VPS13D: variants seen among roughly 807,000 people sequenced by gnomAD.
The protein encoded by VPS13D is intermembrane lipid transfer protein VPS13D.
VPS13D carries 187 observed loss-of-function variants against 461.9 expected under a neutral mutation model. That is an observed-to-expected ratio of 0.40 (90% CI 0.36 to 0.46). The LOEUF (loss-of-function observed/expected upper bound fraction) is 0.46, where lower values mean the gene tolerates loss of function less well. Among genes scored for constraint, VPS13D ranks in the 20% least tolerant of loss-of-function variants. The pLI is 0.60. For missense variants in VPS13D, 4,711 were observed against 5,364.9 expected (o/e 0.88, Z 3.81); for synonymous variants, 1,951 against 1,986.3 (o/e 0.98, Z 0.47).
chr1:12,341,825 C>T lies in VPS13D; in HGVS notation c.8672C>T (p.Ala2891Val), dbSNP rs765658599. The change falls in exon 41 of 70, where the codon GCT becomes GTT. Residue 2891 changes from alanine (A) to valine (V), a missense_variant. Around this residue, in one of 3 missense-constraint regions of VPS13D, gnomAD observed 4,411 missense variants for 4,937.8 expected, o/e 0.89. Transcript: ENST00000620676. ...CGCCGGCAGCCATTTGTCCCCTTTG[C>T]TCTGAGGAACCACACGGGGTGCACT... ...PKRRQPFVPF[A>V]LRNHTGCTLW... is the part of the protein sequence containing the mutation. The T allele has an allele frequency of 6.2e-7, 1 of 1,614,038 alleles. No homozygotes were observed. The highest frequency in any genetic ancestry group is 1.1e-5 in the South Asian group (1 of 91,072).
intron 36 of VPS13D, 82 bp from the exon 37 acceptor site, chr1:12,329,747 A>T: frequency 1.0e-6 from 1 of 965,132 alleles, no homozygotes; most frequent in Non-Finnish European, 1.6e-6. Flanking sequence ...TATTAGCTCT[A>T]ATGTTTCTTT....
In VPS13D at chr1:12,379,500, G is replaced by C; in HGVS notation, c.11094G>C (p.Leu3698=). The change falls in exon 57 of 70, where the codon CTG becomes CTC. Residue 3698 remains leucine, a synonymous_variant. Transcript: ENST00000620676. ...AAVTDNRYEP[L]MLRKPDRRRS... ...TTCCGTTTTCCAGATACGAGCCACT[G>C]ATGCTGAGAAAGCCTGACCGCAGGC... 6.2e-7 allele frequency: 1 copy of C among 1,612,898 alleles called. No individual in the cohort carries two copies. The highest frequency in any genetic ancestry group is 8.5e-7 in the Non-Finnish European group (1 of 1,179,468).
At chr1:12,291,490 G>A (rs1642130658) in intron 23 of VPS13D, among the ~76,000 whole-genome samples, 1 of 152,154 alleles carries the variant, frequency 6.6e-6, no homozygotes, top group Non-Finnish European at 1.5e-5. Context: ...GTGTGTGGTG[G>A]TATGCAACTG....
Position 12,318,597 on chromosome 1 carries a change from G to A in VPS13D, c.7414+260G>A, listed in dbSNP as rs916313040. Among the ~76,000 whole-genome samples the A allele has an allele frequency of 6.6e-5, 10 of 152,148 alleles. No homozygotes were observed. The South Asian group carries it at 8.3e-4, about 13-fold the overall frequency. On this transcript the variant is annotated intron_variant, in intron 31 of 69. Coordinates refer to ENST00000620676, the MANE Select transcript of VPS13D (RefSeq NM_015378.4). ...GTGTCTGGCCCGAGCACCCGCCTGG[G>A]CAGTGGTCTTTTTTTTTCCAGTGTA...
At chr1:12,377,312 G>C (rs1644213076) in intron 55 of VPS13D, among the ~76,000 whole-genome samples, 1 of 150,376 alleles carries the variant, frequency 6.6e-6, no homozygotes, top group Non-Finnish European at 1.5e-5. Context: ...CACCTGCCTC[G>C]GCCTCCCAAA....
intron 3 of VPS13D, among the ~76,000 whole-genome samples, chr1:12,243,707 GA>G (rs1356010328): frequency 3.3e-5 from 5 of 152,138 alleles, no homozygotes; most frequent in Admixed American, 6.6e-5. Context: ...CAATTCTACC[GA>G]GCCGTTTGGC....
Position 12,249,342 on chromosome 1 carries a change from G to A in VPS13D, c.564+3G>A. The A allele has an allele frequency of 6.2e-7, 1 of 1,607,580 alleles. No individual in the cohort carries two copies. The highest frequency in any genetic ancestry group is 8.5e-7 in the Non-Finnish European group (1 of 1,176,408). ...TGCAAAATGCTGTGAATGAGCCTGT[G>A]AGTATGAAATGTGATGACAAAGCAG... On this transcript the variant is annotated splice_donor_region_variant and intron_variant, in intron 6 of 69. Transcript: ENST00000620676.
At chr1:12,417,679 G>A (rs1215109768) in intron 65 of VPS13D, among the ~76,000 whole-genome samples, 2 of 152,158 alleles carry the variant, frequency 1.3e-5, no homozygotes. Context: ...GTGGCACCGC[G>A]TAGAAATGTA....
Position 12,308,510 on chromosome 1 carries a change from A to T in VPS13D, c.6519A>T (p.Arg2173Ser), listed in dbSNP as rs1642634675. The T allele has an allele frequency of 3.1e-6, 5 of 1,614,032 alleles. No individual in the cohort carries two copies. The South Asian group carries it at 5.5e-5, about 18-fold the overall frequency. ...TCTTTGCTGCAGAGAGACATCCGAG[A>T]GAATACTCGAAGGCACCAGAGGATA... ...MDIFAAERHP[R>S]EYSKAPEDSS... The change falls in exon 27 of 70, where the codon AGA becomes AGT. Residue 2173 changes from arginine (R) to serine (S), a missense_variant. Physicochemically the swap from Arg to Ser is moderately radical, Grantham distance 110 (BLOSUM62 -1). Coordinates refer to ENST00000620676, the MANE Select transcript of VPS13D (RefSeq NM_015378.4).
In VPS13D at chr1:12,460,290, G is replaced by A; in HGVS notation, c.12556G>A (p.Gly4186Arg). ...GGVSGFISGL[G>R]KGLVGTVTKP... The stretch of plus-strand genomic sequence containing the variant: ...TGTCAGCGGTTTCATATCTGGCCTT[G>A]GAAAAGGGCTTGTTGGCACTGTAAC... Residue 4186 changes from glycine (G) to arginine (R), a missense_variant, in exon 67 of 70, where the codon GGA (glycine) becomes AGA (arginine). By Grantham distance (125) the Gly-to-Arg change is moderately radical. Coordinates refer to ENST00000620676, the MANE Select transcript of VPS13D (RefSeq NM_015378.4). The A allele has an allele frequency of 1.2e-6, 2 of 1,612,250 alleles. No individual in the cohort carries two copies. The highest frequency in any genetic ancestry group is 1.7e-6 in the Non-Finnish European group (2 of 1,179,182).
At chr1:12,339,423 A>G (rs910038678) in intron 40 of VPS13D, among the ~76,000 whole-genome samples, 1 of 152,174 alleles carries the variant, frequency 6.6e-6, no homozygotes, top group African/African-American at 2.4e-5. Context: ...ACTGTTTATA[A>G]TGGCAAAATT....
At chr1:12,247,540 A>G (rs2101222894) in intron 5 of VPS13D, among the ~76,000 whole-genome samples, 1 of 152,092 alleles carries the variant, frequency 6.6e-6, no homozygotes, top group East Asian at 1.9e-4. Flanking sequence ...AAAAGCAAAC[A>G]TTTATTATTC....
At chr1:12,320,829 C>T (rs764590299) in intron 32 of VPS13D, among the ~76,000 whole-genome samples, 2 of 152,212 alleles carry the variant, frequency 1.3e-5, no homozygotes, top group East Asian at 1.9e-4. Flanking sequence ...TATTTGAGAT[C>T]GCTGGAAACT....
chr1:12,417,974 T>A (rs1446741528), intron 65 of VPS13D, among the ~76,000 whole-genome samples: 1 of 152,170 alleles, frequency 6.6e-6, no homozygotes, highest in Non-Finnish European at 1.5e-5. Context: ...TGGTGTGATC[T>A]CTGCTCACTA....
intron 67 of VPS13D, among the ~76,000 whole-genome samples, chr1:12,461,932 A>G (rs1364592470): frequency 3.3e-5 from 5 of 152,218 alleles, no homozygotes; most frequent in African/African-American, 1.2e-4. Context: ...CAGTCACTGC[A>G]GAAAGAATGT....
rs752244671 is a variant in VPS13D at position 12,276,886 on chromosome 1, C to G, written c.3298C>G (p.Leu1100Val). ...CCCATCGATGAATTTAGACAGTACTCTTCAGGTGATTTCCCTACAGGTGAA... is the reference window on the plus strand; with the variant it reads ...CCCATCGATGAATTTAGACAGTACTGTTCAGGTGATTTCCCTACAGGTGAA... ...ECPSMNLDST[L>V]QVISLQVNNL... The change falls in exon 19 of 70, where the codon CTT (leucine) becomes GTT (valine). Residue 1100 changes from leucine to valine, a missense_variant. Around this residue, in one of 3 missense-constraint regions of VPS13D, gnomAD observed 4,411 missense variants for 4,937.8 expected, o/e 0.89. Transcript: ENST00000620676. The surrounding 1 kb of genome is among the most constrained non-coding windows in gnomAD (Gnocchi z 4.5). 8 of 1,614,178 alleles carry G rather than the reference C, an allele frequency of 5.0e-6. No individual in the cohort carries two copies. Among genetic ancestry groups the G allele is most frequent in the Non-Finnish European group, 5.9e-6 (7 of 1,180,036 alleles).
At chr1:12,304,805 G>A in intron 26 of VPS13D, 77 bp downstream of exon 26, 1 of 1,399,600 alleles carries the variant, frequency 7.1e-7, no homozygotes, top group East Asian at 2.3e-5. Flanking sequence ...AGGGGGGTGG[G>A]CATTGTGTTC....
Position 12,319,353 on chromosome 1 carries a change from G to A in VPS13D, c.7415-144G>A, listed in dbSNP as rs1032376358. 4.8e-5 allele frequency: 55 copies of A among 1,147,096 alleles called. No individual in the cohort carries two copies. The Middle Eastern group carries it at 8.9e-4, about 18-fold the overall frequency. The allele number at this position is 1,147,096 out of a possible 1,614,324, so 71.1% of individuals were successfully genotyped here. ...GTATTGGTTCAGGATGACACTGTTA[G>A]TAAATGTCAGCAGACATTTTGGAGA... On this transcript the variant is annotated intron_variant, in intron 31 of 69. Coordinates refer to ENST00000620676, the MANE Select transcript of VPS13D (RefSeq NM_015378.4).
At chr1:12,261,324 A>G (rs1641101668) in intron 12 of VPS13D, among the ~76,000 whole-genome samples, 175 bp downstream of exon 12, 1 of 152,252 alleles carries the variant, frequency 6.6e-6, no homozygotes. Context: ...CTGTGACTAA[A>G]TGTGCGTATT....
Sources: gnomAD v4.1 joint callset for allele counts (sites outside exome capture counted in the v4.1 genomes callset) on GRCh38, gnomAD v4.1.1 for gene constraint, gnomAD v4.1.1 regional missense constraint, Gnocchi (gnomAD v3.1) non-coding constraint, MANE v1.5 for transcripts, NCBI Gene and HGNC (gene_info 2026-07-23, HGNC 2026-07-21) for gene names.